Variants in ARHGAP26 observed in about 807,000 individuals in gnomAD.
The protein encoded by ARHGAP26 is rho GTPase-activating protein 26.
A neutral mutation model predicts 104.8 loss-of-function variants in ARHGAP26; 38 were observed. The ratio of observed to expected loss-of-function variants is 0.36; its 90% CI spans 0.28 to 0.48. The LOEUF (loss-of-function observed/expected upper bound fraction) is 0.48, where lower values mean the gene tolerates loss of function less well. ARHGAP26 is among the 20% of genes least tolerant of loss of function. The pLI, the probability that ARHGAP26 is intolerant of heterozygous loss-of-function variation, is 0.99. For missense variants in ARHGAP26, 704 were observed against 947.9 expected, an observed-to-expected ratio of 0.74 and a Z score of 3.38; for synonymous variants, 341 against 340.0, an observed-to-expected ratio of 1.00 and a Z score of -0.03.
intron 22 of ARHGAP26, among the ~76,000 whole-genome samples, chr5:143,219,567 C>CA (rs1225591043): frequency 6.6e-6 from 1 of 152,150 alleles, no homozygotes; most frequent in African/African-American, 2.4e-5. Flanking sequence ...GAAGGGATTC[C>CA]ATGGTAGTAT....
At chr5:143,128,084 T>C (rs1481848024) in intron 18 of ARHGAP26, among the ~76,000 whole-genome samples, 1 of 152,236 alleles carries the variant, frequency 6.6e-6, no homozygotes, top group East Asian at 1.9e-4. Context: ...TACTTGGGTG[T>C]TGAGCTAGAA....
At chr5:142,998,359 A>T (rs1317354169) in intron 11 of ARHGAP26, among the ~76,000 whole-genome samples, 1 of 152,194 alleles carries the variant, frequency 6.6e-6, no homozygotes, top group Non-Finnish European at 1.5e-5. Context: ...CACGATAGGA[A>T]AGGACCCAGA....
chr5:142,813,486 G>T (rs947692154), intron 1 of ARHGAP26, among the ~76,000 whole-genome samples: 1 of 152,176 alleles, frequency 6.6e-6, no homozygotes, highest in African/African-American at 2.4e-5. Context: ...GACAGTGTGT[G>T]TATTAATCTT....
chr5:142,892,901 T>C (rs1412472441), intron 5 of ARHGAP26, among the ~76,000 whole-genome samples: 1 of 152,048 alleles, frequency 6.6e-6, no homozygotes, highest in Non-Finnish European at 1.5e-5. Flanking sequence ...TGTTCTGAAA[T>C]ACTGGAACTT....
chr5:143,149,948 T>C (rs755812187), intron 20 of ARHGAP26, among the ~76,000 whole-genome samples: 1 of 152,214 alleles, frequency 6.6e-6, no homozygotes, highest in Non-Finnish European at 1.5e-5. Context: ...AGAAACATGT[T>C]TGTTACTCAT....
chr5:143,010,436 G>C (rs970485960), intron 11 of ARHGAP26, among the ~76,000 whole-genome samples: 2 of 152,190 alleles, frequency 1.3e-5, no homozygotes, highest in African/African-American at 4.8e-5. Flanking sequence ...TGTGGTGCTT[G>C]GTAAGTGCTA....
At chr5:143,058,203 A>G (rs773066384) in intron 17 of ARHGAP26, 6 of 390,574 alleles carry the variant, frequency 1.5e-5, no homozygotes, top group Non-Finnish European at 2.9e-5. Context: ...AGCCCTGAAC[A>G]AACTGCTGAA....
chr5:143,124,241 G>A (rs1327770978), intron 18 of ARHGAP26, among the ~76,000 whole-genome samples: 1 of 152,158 alleles, frequency 6.6e-6, no homozygotes, highest in East Asian at 1.9e-4. Flanking sequence ...AGGGCTCTAG[G>A]AATAAATGGA....
At chr5:142,931,529 A>G (rs1420450838) in intron 10 of ARHGAP26, among the ~76,000 whole-genome samples, 1 of 152,158 alleles carries the variant, frequency 6.6e-6, no homozygotes. Flanking sequence ...AATCATAACT[A>G]CCAAGATGAT....
chr5:142,785,012 C>T (rs963325465), intron 1 of ARHGAP26, among the ~76,000 whole-genome samples: 1 of 150,726 alleles, frequency 6.6e-6, no homozygotes, highest in Non-Finnish European at 1.5e-5. Flanking sequence ...CTGCAAGCTC[C>T]GCCTCCCTCC....
intron 1 of ARHGAP26, among the ~76,000 whole-genome samples, chr5:142,835,956 C>T (rs181745215): frequency 1.4e-4 from 22 of 152,272 alleles, no homozygotes; most frequent in South Asian, 1.2e-3. Flanking sequence ...AATTCAGGTA[C>T]GCAGAGTTGA....
At chr5:143,112,868 C>T (rs1221601866) in intron 17 of ARHGAP26, among the ~76,000 whole-genome samples, 1 of 152,210 alleles carries the variant, frequency 6.6e-6, no homozygotes, top group African/African-American at 2.4e-5. Context: ...CATCAGTAGA[C>T]ATTTGGGTTG....
intron 1 of ARHGAP26, among the ~76,000 whole-genome samples, chr5:142,773,711 G>A (rs1755715733): frequency 6.6e-6 from 1 of 152,210 alleles, no homozygotes; most frequent in Non-Finnish European, 1.5e-5. Flanking sequence ...GGACAGATGA[G>A]AGTGGCTGAA....
rs2151449008 is a variant in ARHGAP26, at chr5:143,228,932, T to C, written c.*6486T>C. ...TGAAACTTGGCTTTCTTACATGTGG[T>C]TGGTTTATGTGACAATCCCTATGAA... On this transcript the variant is annotated 3_prime_UTR_variant, in exon 23 of 23. Transcript: ENST00000645722. 1 of 187,966 alleles carries C rather than the reference T, an allele frequency of 5.3e-6. No homozygotes were observed. The highest frequency in any genetic ancestry group is 2.0e-4 in the South Asian group (1 of 5,122). 11.6% of individuals were successfully genotyped at this position (187,966 alleles called of 1,614,324 possible).
intron 17 of ARHGAP26, among the ~76,000 whole-genome samples, chr5:143,109,553 C>A (rs931966519): frequency 6.6e-6 from 1 of 152,014 alleles, no homozygotes; most frequent in African/African-American, 2.4e-5. Flanking sequence ...CTCCTGGGTT[C>A]AAGCCATTCT....
intron 20 of ARHGAP26, among the ~76,000 whole-genome samples, chr5:143,186,158 T>A (rs1303927536): frequency 6.6e-6 from 1 of 152,258 alleles, no homozygotes; most frequent in Admixed American, 6.5e-5. Flanking sequence ...GAATGGGAAC[T>A]GTTTGTCACT....
At chr5:142,893,701 T>C (rs1217895354) in intron 5 of ARHGAP26, among the ~76,000 whole-genome samples, 2 of 152,232 alleles carry the variant, frequency 1.3e-5, no homozygotes, top group African/African-American at 4.8e-5. Flanking sequence ...TTGTACTAAT[T>C]TACATTCCCA....
chr5:142,813,984 G>A (rs1296827061), intron 1 of ARHGAP26, among the ~76,000 whole-genome samples: 1 of 152,232 alleles, frequency 6.6e-6, no homozygotes, highest in East Asian at 1.9e-4. Context: ...GGACTTGGTG[G>A]CCACCATTAC....
At chr5:142,802,014 G>T (rs1335879677) in intron 1 of ARHGAP26, among the ~76,000 whole-genome samples, 2 of 152,130 alleles carry the variant, frequency 1.3e-5, no homozygotes, top group Non-Finnish European at 2.9e-5. Context: ...CATCAGAGGG[G>T]ATCTGTTCCC....
Sources: gnomAD v4.1 joint callset for allele counts (sites outside exome capture counted in the v4.1 genomes callset) on GRCh38, gnomAD v4.1.1 for gene constraint, MANE v1.5 for transcripts, NCBI Gene and HGNC (gene_info 2026-07-23, HGNC 2026-07-21) for gene names.